The following MOSMO variants were observed in gnomAD, a reference collection of about 807,000 sequenced individuals.
MOSMO encodes the protein modulator of smoothened protein.
In MOSMO, 5 loss-of-function variants were observed where a neutral mutation model predicts 18.4. The observed-to-expected ratio is 0.27, with a 90% CI of 0.14 to 0.57. The LOEUF (loss-of-function observed/expected upper bound fraction) is 0.57. Among genes scored for constraint, MOSMO ranks in the 20% least tolerant of loss-of-function variants. MOSMO has a pLI of 0.92. For missense variants in MOSMO, 138 were observed against 211.8 expected, an observed-to-expected ratio of 0.65 and a Z score of 2.16; for synonymous variants, 82 against 82.3, an observed-to-expected ratio of 1.00 and a Z score of 0.02.
At chr16:22,031,449 C>T (rs960893312) in intron 1 of MOSMO, among the ~76,000 whole-genome samples, 1 of 152,188 alleles carries the variant, frequency 6.6e-6, no homozygotes, top group Non-Finnish European at 1.5e-5. Context: ...CACAGTTATA[C>T]AATCATCACC....
At chr16:22,027,734 G>C (rs542648830) in intron 1 of MOSMO, among the ~76,000 whole-genome samples, 1 of 152,304 alleles carries the variant, frequency 6.6e-6, no homozygotes, top group South Asian at 2.1e-4. Context: ...TGAAGATTCT[G>C]TTTGGGAAGT....
At chr16:22,023,859 G>C (rs972324043) in intron 1 of MOSMO, among the ~76,000 whole-genome samples, 1 of 151,830 alleles carries the variant, frequency 6.6e-6, no homozygotes, top group African/African-American at 2.4e-5. Flanking sequence ...TGACTGTATT[G>C]ATACAGGCTA....
rs146309071 is a variant in MOSMO, at chr16:22,026,074, A to G, written c.106+17667A>G. Among the ~76,000 whole-genome samples the G allele has an allele frequency of 1.9e-4, 29 of 152,254 alleles. 1 individual carries two copies. In the East Asian group the frequency reaches 5.6e-3, roughly 29 times the overall value. ...TTCTTTACAAATTCTGAGATGACCT[A>G]GATGACCTAACAGCTTTTTTCCTAA... On this transcript the variant is annotated intron_variant, in intron 1 of 2. Transcript: ENST00000542527.
At chr16:22,031,388 C>T (rs574580227) in intron 1 of MOSMO, among the ~76,000 whole-genome samples, 6 of 152,294 alleles carry the variant, frequency 3.9e-5, no homozygotes, top group African/African-American at 1.4e-4. Flanking sequence ...TAATTCACAT[C>T]ATACAGTTTA....
chr16:22,075,220 A>G, intron 1 of MOSMO: 1 of 514,512 alleles, frequency 1.9e-6, no homozygotes, highest in Non-Finnish European at 3.7e-6. Flanking sequence ...ATTACTCAGA[A>G]AAGTATTTAT....
chr16:22,031,839 A>G (rs1189789474), intron 1 of MOSMO, among the ~76,000 whole-genome samples: 1 of 152,204 alleles, frequency 6.6e-6, no homozygotes. Flanking sequence ...TTTTGCATGG[A>G]CATACATTTT....
At chr16:22,059,975 G>A (rs1040140200) in intron 1 of MOSMO, among the ~76,000 whole-genome samples, 20 of 152,098 alleles carry the variant, frequency 1.3e-4, no homozygotes, top group Admixed American at 9.2e-4. Flanking sequence ...TCAGGAGTTC[G>A]AGACCAGGCT....
At position 22,037,181 on chromosome 16, in the gene MOSMO, G is replaced by T. The variant is rs150131155; in HGVS notation, c.106+28774G>T. Among the ~76,000 whole-genome samples, 38 of 152,104 alleles carry T rather than the reference G, an allele frequency of 2.5e-4. No homozygotes were observed. In the East Asian group the frequency reaches 6.8e-3, roughly 27 times the overall value. ...GCTACTGGAAAGGCTGAGGTGGGAG[G>T]ATCACTTGAACCCAGGTGTTCAAGG... On this transcript the variant is annotated intron_variant, in intron 1 of 2. Transcript: ENST00000542527.
intron 1 of MOSMO, among the ~76,000 whole-genome samples, chr16:22,058,390 C>T (rs968818443): frequency 1.3e-5 from 2 of 149,826 alleles, no homozygotes; most frequent in African/African-American, 2.5e-5. Flanking sequence ...CGCGCCACTG[C>T]TCTCTAGCCT....
At chr16:22,051,434 A>G (rs1388429675) in intron 1 of MOSMO, among the ~76,000 whole-genome samples, 11 of 152,090 alleles carry the variant, frequency 7.2e-5, no homozygotes. Context: ...CATACAAAAA[A>G]AATCTACCAT....
chr16:22,035,289 C>G (rs1370328019), intron 1 of MOSMO, among the ~76,000 whole-genome samples: 2 of 152,070 alleles, frequency 1.3e-5, no homozygotes, highest in African/African-American at 4.8e-5. Flanking sequence ...TTCAGTTCAG[C>G]TCCGGTGAAA....
At chr16:22,056,362 T>C (rs2141753483) in intron 1 of MOSMO, among the ~76,000 whole-genome samples, 1 of 126,046 alleles carries the variant, frequency 7.9e-6, no homozygotes, top group Middle Eastern at 4.1e-3. Context: ...CCTTTCTTTC[T>C]TTCTTTTTTT....
rs1016855395 is a variant in MOSMO at position 22,060,075 on chromosome 16, G to A, written c.107-15412G>A. ...GTCTGTGGTCCCAGCTACTCAGGAGGCTGAGACAGTAGGATCGCTTGATCC... is the reference window on the plus strand; with the variant it reads ...GTCTGTGGTCCCAGCTACTCAGGAGACTGAGACAGTAGGATCGCTTGATCC... On this transcript the variant is annotated intron_variant, in intron 1 of 2. Transcript: ENST00000542527. Among the ~76,000 whole-genome samples the A allele has an allele frequency of 3.3e-5, 5 of 152,216 alleles. No homozygotes were observed. In the East Asian group the frequency reaches 9.6e-4, roughly 29 times the overall value.
rs149267732 is a variant in MOSMO, at chr16:22,066,326, G to T, written c.107-9161G>T. ...GCATCACAGGTTCCTGAGGTATTGG[G>T]GTAACAAAAGACTGACAGGCAAACA... On this transcript the variant is annotated intron_variant, in intron 1 of 2. Coordinates refer to ENST00000542527, the MANE Select transcript of MOSMO (RefSeq NM_001164579.2). Among the ~76,000 whole-genome samples, 13 of 152,206 alleles carry T rather than the reference G, an allele frequency of 8.5e-5. No individual in the cohort carries two copies. The East Asian group carries it at 2.5e-3, about 29-fold the overall frequency.
At chr16:22,072,388 T>A (rs1900872084) in intron 1 of MOSMO, among the ~76,000 whole-genome samples, 1 of 152,208 alleles carries the variant, frequency 6.6e-6, no homozygotes, top group Admixed American at 6.5e-5. Context: ...ACTTTAACAA[T>A]GTTGACTGAC....
chr16:22,010,100 G>A (rs1899493424), intron 1 of MOSMO, among the ~76,000 whole-genome samples: 1 of 152,108 alleles, frequency 6.6e-6, no homozygotes. Context: ...AAAAAAAGTG[G>A]TAGCTGGGAC....
chr16:22,034,894 C>A (rs1900076985), intron 1 of MOSMO, among the ~76,000 whole-genome samples: 1 of 151,490 alleles, frequency 6.6e-6, no homozygotes, highest in African/African-American at 2.4e-5. Flanking sequence ...CCATACCCAG[C>A]TAATTTTGTT....
chr16:22,070,172 G>C lies in MOSMO; in HGVS notation c.107-5315G>C, dbSNP rs138999337. ...GTAGATTTTTTAAAGGAGAGTGCAGGAGTCTTGGAACAGCCTCAGCAAAGA... is the reference window on the plus strand; with the variant it reads ...GTAGATTTTTTAAAGGAGAGTGCAGCAGTCTTGGAACAGCCTCAGCAAAGA... On this transcript the variant is annotated intron_variant, in intron 1 of 2. Transcript: ENST00000542527. 5.1e-4 allele frequency among the ~76,000 whole-genome samples: 78 copies of C among 152,272 alleles called. 1 individual carries two copies. The highest frequency in any genetic ancestry group is 1.8e-3 in the African/African-American group (76 of 41,546).
chr16:22,081,678 A>C lies in MOSMO; in HGVS notation c.*798A>C, dbSNP rs1901087257. 6.6e-6 allele frequency: 1 copy of C among 151,114 alleles called. No individual in the cohort carries two copies. Among genetic ancestry groups the C allele is most frequent in the Non-Finnish European group, 1.5e-5 (1 of 67,896 alleles). 9.4% of individuals were successfully genotyped at this position (151,114 alleles called of 1,614,324 possible). On this transcript the variant is annotated 3_prime_UTR_variant, in exon 3 of 3. Transcript: ENST00000542527. Reference sequence around the variant, plus strand: ...AATTTATATACACACACATGCAAACAGTTCCTGGAAGAGAATTCTGAATGC... The same window carrying C: ...AATTTATATACACACACATGCAAACCGTTCCTGGAAGAGAATTCTGAATGC...
Sources: allele counts gnomAD v4.1 joint callset (sites outside exome capture counted in the v4.1 genomes callset), GRCh38; gene constraint gnomAD v4.1.1; transcripts MANE v1.5; gene names NCBI Gene and HGNC (gene_info 2026-07-23, HGNC 2026-07-21).